Variants in SMYD3 observed in about 807,000 individuals in gnomAD.
SMYD3 encodes SET and MYND domain containing 3, also known as histone-lysine N-methyltransferase SMYD3.
In SMYD3, 36 loss-of-function variants were observed where a neutral mutation model predicts 57.7. The observed-to-expected ratio is 0.62, with a 90% CI of 0.48 to 0.82. The LOEUF (loss-of-function observed/expected upper bound fraction) is 0.82, where lower values mean the gene tolerates loss of function less well. Ranked by LOEUF, SMYD3 falls within the 40% of genes least tolerant of loss-of-function variation. SMYD3 has a pLI of 0.00. For synonymous variants in SMYD3, 211 were observed against 195.0 expected, an observed-to-expected ratio of 1.08 and a Z score of -0.68; for missense variants, 515 against 538.8, an observed-to-expected ratio of 0.96 and a Z score of 0.44.
Position 246,355,542 on chromosome 1 carries a change from G to A in SMYD3, c.165-448C>T, listed in dbSNP as rs934780697. Among the ~76,000 whole-genome samples the A allele has an allele frequency of 3.3e-5, 5 of 152,142 alleles. No homozygotes were observed. The highest frequency in any genetic ancestry group is 1.2e-4 in the African/African-American group (5 of 41,432). Reference sequence around the variant, plus strand: ...GCTCAGCAGGGAGGCTGGCGGTCTGGGGCAAGTTCTCAGCCACAGTCACCA... The same window carrying A: ...GCTCAGCAGGGAGGCTGGCGGTCTGAGGCAAGTTCTCAGCCACAGTCACCA... On this transcript the variant is annotated intron_variant, in intron 1 of 11. Coordinates refer to ENST00000490107, the MANE Select transcript of SMYD3 (RefSeq NM_001167740.2). The surrounding 1 kb of genome is among the most constrained non-coding windows in gnomAD (Gnocchi z 5.0).
At chr1:245,830,270 A>C (rs1478600759) in intron 10 of SMYD3, among the ~76,000 whole-genome samples, 1 of 152,232 alleles carries the variant, frequency 6.6e-6, no homozygotes, top group Non-Finnish European at 1.5e-5. Context: ...ACTCAGTTCC[A>C]CATGGCTGGG....
chr1:246,132,905 G>A (rs772067253), intron 5 of SMYD3, among the ~76,000 whole-genome samples: 32 of 151,980 alleles, frequency 2.1e-4, no homozygotes, highest in South Asian at 4.1e-4. Flanking sequence ...TAGTCATTAG[G>A]GAAATGCATA....
At chr1:245,833,434 T>C (rs1397819917) in intron 10 of SMYD3, among the ~76,000 whole-genome samples, 2 of 151,996 alleles carry the variant, frequency 1.3e-5, no homozygotes, top group Non-Finnish European at 2.9e-5. Context: ...CCTGGCCAAA[T>C]GTACTGTACA....
chr1:246,231,807 C>CA (rs76216839), intron 5 of SMYD3, among the ~76,000 whole-genome samples: 11,918 of 152,134 alleles, frequency 0.078, 789 homozygotes, highest in East Asian at 0.24. Flanking sequence ...CTTCTCACAG[C>CA]AATCAATTTT....
At chr1:245,977,433 C>T (rs1443774987) in intron 5 of SMYD3, among the ~76,000 whole-genome samples, 3 of 152,180 alleles carry the variant, frequency 2.0e-5, no homozygotes, top group African/African-American at 7.2e-5. Flanking sequence ...AATCCCAGCA[C>T]TTTGGGAGGC....
intron 5 of SMYD3, among the ~76,000 whole-genome samples, chr1:246,270,363 T>C (rs2064198407): frequency 6.6e-6 from 1 of 152,236 alleles, no homozygotes. Flanking sequence ...GTATACACTT[T>C]AGTGTTACTA....
chr1:246,162,630 G>A (rs2062141600), intron 5 of SMYD3, among the ~76,000 whole-genome samples: 1 of 152,128 alleles, frequency 6.6e-6, no homozygotes, highest in Non-Finnish European at 1.5e-5. Flanking sequence ...CTAACAGCTG[G>A]TGGCAGCAAA....
At chr1:246,448,736 ATGG>A (rs2067588481) in intron 1 of SMYD3, among the ~76,000 whole-genome samples, 1 of 148,616 alleles carries the variant, frequency 6.7e-6, no homozygotes. Flanking sequence ...AAAGGACAAA[ATGG>A]CCAGGAAATG....
chr1:246,391,986 C>T (rs529855922), intron 1 of SMYD3, among the ~76,000 whole-genome samples: 1 of 152,214 alleles, frequency 6.6e-6, no homozygotes, highest in Non-Finnish European at 1.5e-5. Context: ...CCACTCATCC[C>T]TCCAGTTTCA....
chr1:246,260,088 G>A (rs1244536005), intron 5 of SMYD3, among the ~76,000 whole-genome samples: 2 of 152,202 alleles, frequency 1.3e-5, no homozygotes, highest in Non-Finnish European at 2.9e-5. Context: ...GGAGCAGAGA[G>A]AGTCCCCCTA....
chr1:246,156,536 TTTGG>T (rs2062025473), intron 5 of SMYD3, among the ~76,000 whole-genome samples: 1 of 152,230 alleles, frequency 6.6e-6, no homozygotes, highest in Non-Finnish European at 1.5e-5. Flanking sequence ...ACCTACTTTC[TTTGG>T]TTCCTTCAAT....
chr1:246,226,047 C>A (rs998568712), intron 5 of SMYD3, among the ~76,000 whole-genome samples: 6 of 152,106 alleles, frequency 3.9e-5, no homozygotes, highest in African/African-American at 1.4e-4. Flanking sequence ...TGTTTACTTG[C>A]TTTTTTTCAC....
rs111368086 is a variant in SMYD3, at chr1:246,479,569, G to A, written c.164+27485C>T. On this transcript the variant is annotated intron_variant, in intron 1 of 11. Coordinates refer to ENST00000490107, the MANE Select transcript of SMYD3 (RefSeq NM_001167740.2). ...GCCACCCACGCTGGAGTGCAGTGGC[G>A]CAATCTCAGCTCATTGCAACCTCTG... Among the ~76,000 whole-genome samples the A allele has an allele frequency of 8.8e-3, 1,283 of 145,162 alleles. 24 individuals carry two copies. Among genetic ancestry groups the A allele is most frequent in the African/African-American group, 0.029 (1,142 of 39,010 alleles).
At chr1:245,946,803 C>T (rs1340676731) in intron 5 of SMYD3, among the ~76,000 whole-genome samples, 1 of 152,024 alleles carries the variant, frequency 6.6e-6, no homozygotes, top group Non-Finnish European at 1.5e-5. Flanking sequence ...AAAAATTGTC[C>T]CTTTTAATCA....
chr1:245,877,876 C>T (rs550985131), intron 8 of SMYD3, among the ~76,000 whole-genome samples: 32 of 152,250 alleles, frequency 2.1e-4, no homozygotes, highest in African/African-American at 7.0e-4. Context: ...TGAGAAGTGT[C>T]GACTTGGAAG....
chr1:246,477,346 C>A (rs1428120559), intron 1 of SMYD3, among the ~76,000 whole-genome samples: 1 of 152,142 alleles, frequency 6.6e-6, no homozygotes, highest in Non-Finnish European at 1.5e-5. Flanking sequence ...CCAACGGGTA[C>A]CATGATGTCA....
chr1:246,109,198 T>A (rs1271180742), intron 5 of SMYD3, among the ~76,000 whole-genome samples: 1 of 152,196 alleles, frequency 6.6e-6, no homozygotes, highest in Non-Finnish European at 1.5e-5. Context: ...AATGCAACTC[T>A]AATAAAGAAA....
intron 5 of SMYD3, among the ~76,000 whole-genome samples, chr1:246,150,368 G>T (rs555138532): frequency 4.5e-4 from 68 of 152,158 alleles, no homozygotes; most frequent in African/African-American, 1.5e-3. Context: ...GGGTAACTGT[G>T]GGAACAAAAA....
intron 5 of SMYD3, among the ~76,000 whole-genome samples, chr1:246,038,087 T>C (rs1368891917): frequency 6.6e-6 from 1 of 152,232 alleles, no homozygotes; most frequent in East Asian, 1.9e-4. Flanking sequence ...GGCCTTGGGC[T>C]GTAGTTCCCA....
Sources: allele counts gnomAD v4.1 joint callset (sites outside exome capture counted in the v4.1 genomes callset), GRCh38; gene constraint gnomAD v4.1.1; non-coding constraint Gnocchi (gnomAD v3.1); transcripts MANE v1.5; gene names NCBI Gene and HGNC (gene_info 2026-07-23, HGNC 2026-07-21).